WDR47: variants seen among roughly 807,000 people sequenced by gnomAD.
WDR47 encodes WD repeat domain 47.
WDR47 carries 32 observed loss-of-function variants against 97.2 expected under a neutral mutation model. That is an observed-to-expected ratio of 0.33 (90% CI 0.25 to 0.44). WDR47 has a LOEUF of 0.44. Among genes scored for constraint, WDR47 ranks in the 20% least tolerant of loss-of-function variants. The probability of loss-of-function intolerance (pLI) is 1.00; values close to 1 mark genes in which losing one functional copy is unlikely to be tolerated. For missense variants in WDR47, 782 were observed against 1,102.3 expected, an observed-to-expected ratio of 0.71 and a Z score of 4.11; for synonymous variants, 375 against 373.5, an observed-to-expected ratio of 1.00 and a Z score of -0.05.
intron 7 of WDR47, among the ~76,000 whole-genome samples, chr1:109,000,507 T>TC (rs1553231374): frequency 2.8e-4 from 2 of 7,082 alleles, no homozygotes; most frequent in Non-Finnish European, 5.3e-4. Context: ...AGACTCTGTC[T>TC]CAAAAAAAAA....
chr1:109,038,670 C>A (rs1050484415), intron 1 of WDR47, among the ~76,000 whole-genome samples: 5 of 150,192 alleles, frequency 3.3e-5, no homozygotes, highest in African/African-American at 1.2e-4. Context: ...TAAAGTGAGA[C>A]CCTGTCTCAA....
Position 109,041,982 on chromosome 1 carries a change from G to C in WDR47, c.-130C>G, listed in dbSNP as rs1032089383. The C allele has an allele frequency of 1.3e-5, 2 of 152,250 alleles. No individual in the cohort carries two copies. The highest frequency in any genetic ancestry group is 2.9e-5 in the Non-Finnish European group (2 of 68,076). The allele number at this position is 152,250 out of a possible 1,614,324, so 9.4% of individuals were successfully genotyped here. ...GCAGGAGCACGACGGCGGCGGTCTG[G>C]GTTTGGCGTCGGTCCTCCCTCCTAC... On this transcript the variant is annotated 5_prime_UTR_variant, in exon 1 of 15. Coordinates refer to ENST00000369962, the MANE Select transcript of WDR47 (RefSeq NM_001142551.2).
chr1:109,023,752 T>G (rs1366681742), intron 1 of WDR47, among the ~76,000 whole-genome samples: 1 of 152,140 alleles, frequency 6.6e-6, no homozygotes, highest in Non-Finnish European at 1.5e-5. Flanking sequence ...TAATTACAGA[T>G]TAAATGATAT....
chr1:108,998,763 T>C (rs987419085), intron 7 of WDR47, among the ~76,000 whole-genome samples: 10 of 152,170 alleles, frequency 6.6e-5, no homozygotes, highest in African/African-American at 2.4e-4. Context: ...AAGGAAGAAG[T>C]AAAATTTAAA....
chr1:108,995,474 A>C, intron 8 of WDR47, 106 bp downstream of exon 8: 1 of 1,357,572 alleles, frequency 7.4e-7, no homozygotes, highest in Non-Finnish European at 1.0e-6. Flanking sequence ...ATTGGTAGGC[A>C]GTAAGCTCTA....
intron 14 of WDR47, 94 bp downstream of exon 14, chr1:108,974,442 A>G (rs1005358077): frequency 4.4e-6 from 4 of 907,394 alleles, no homozygotes; most frequent in African/African-American, 1.7e-5. Flanking sequence ...AATAATTGAA[A>G]GTATTATATA....
At chr1:108,997,962 A>G (rs1659888605) in intron 7 of WDR47, among the ~76,000 whole-genome samples, 1 of 152,084 alleles carries the variant, frequency 6.6e-6, no homozygotes, top group African/African-American at 2.4e-5. Context: ...TACATTAAAC[A>G]TTGTTTATTT....
At chr1:109,033,396 G>A (rs1306921137) in intron 1 of WDR47, among the ~76,000 whole-genome samples, 2 of 152,048 alleles carry the variant, frequency 1.3e-5, no homozygotes, top group Non-Finnish European at 2.9e-5. Context: ...CGAAAAATGA[G>A]CAAAAAATAT....
At chr1:108,977,019 G>A (rs532166443) in intron 13 of WDR47, among the ~76,000 whole-genome samples, 33 of 152,264 alleles carry the variant, frequency 2.2e-4, no homozygotes, top group Non-Finnish European at 3.8e-4. Flanking sequence ...ACTGCTACGT[G>A]GATTGCAGAC....
At chr1:109,037,009 T>A (rs950513840) in intron 1 of WDR47, among the ~76,000 whole-genome samples, 4 of 152,052 alleles carry the variant, frequency 2.6e-5, no homozygotes, top group Non-Finnish European at 5.9e-5. Context: ...CTTCCCGGAA[T>A]TTCATTTCCA....
chr1:108,979,862 C>T (rs1658204758), intron 13 of WDR47, among the ~76,000 whole-genome samples: 1 of 152,136 alleles, frequency 6.6e-6, no homozygotes, highest in African/African-American at 2.4e-5. Flanking sequence ...CCAGGGGTCC[C>T]CAAGCCCCAG....
chr1:108,986,579 A>C lies in WDR47; in HGVS notation c.1869T>G (p.Val623=). Residue 623 remains valine (V), a synonymous_variant, in exon 10 of 15, where the codon GTT becomes GTG. Coordinates refer to ENST00000369962, the MANE Select transcript of WDR47 (RefSeq NM_001142551.2). Reference sequence around the variant, plus strand: ...CTCTCAGAGTTTTTGAATTTGAACCAACAGCATATAAACCTCCAGCTGGAT... The same window carrying C: ...CTCTCAGAGTTTTTGAATTTGAACCCACAGCATATAAACCTCCAGCTGGAT... ...AFHPAGGLYA[V]GSNSKTLRVC... 6.2e-7 allele frequency: 1 copy of C among 1,613,900 alleles called. No homozygotes were observed. The highest frequency in any genetic ancestry group is 1.1e-5 in the South Asian group (1 of 91,062).
Position 108,971,398 on chromosome 1 carries a change from C to T in WDR47, c.*32G>A. On this transcript the variant is annotated 3_prime_UTR_variant, in exon 15 of 15. Coordinates refer to ENST00000369962, the MANE Select transcript of WDR47 (RefSeq NM_001142551.2). Reference sequence around the variant, plus strand: ...AACTCAGTAGTCTTAAGTCTCTGTGCTTTTGCTGCATAGACTGACATGCGG... The same window carrying T: ...AACTCAGTAGTCTTAAGTCTCTGTGTTTTTGCTGCATAGACTGACATGCGG... 6 of 1,612,660 alleles carry T rather than the reference C, an allele frequency of 3.7e-6. No individual in the cohort carries two copies. The highest frequency in any genetic ancestry group is 4.2e-6 in the Non-Finnish European group (5 of 1,179,170).
intron 2 of WDR47, among the ~76,000 whole-genome samples, chr1:109,021,806 C>T (rs1230717910): frequency 3.3e-5 from 5 of 151,690 alleles, no homozygotes; most frequent in Admixed American, 2.6e-4. Context: ...GGATTACAGG[C>T]GTAAGCCACC....
chr1:109,030,141 C>T (rs1316186028), intron 1 of WDR47: 8 of 1,265,556 alleles, frequency 6.3e-6, no homozygotes, highest in Non-Finnish European at 8.8e-6. Flanking sequence ...ACGCCTGGTG[C>T]AGAGCCCCAA....
intron 8 of WDR47, among the ~76,000 whole-genome samples, chr1:108,991,562 T>TTA: frequency 6.6e-6 from 1 of 152,100 alleles, no homozygotes; most frequent in South Asian, 2.1e-4. Flanking sequence ...AGTCCACATA[T>TTA]TTTATAGTGA....
chr1:108,989,530 G>A (rs781712919), intron 9 of WDR47, among the ~76,000 whole-genome samples: 2 of 152,180 alleles, frequency 1.3e-5, no homozygotes, highest in African/African-American at 2.4e-5. Context: ...TCCATACACA[G>A]GGAATGTGAC....
chr1:109,011,782 G>A (rs1429437346), intron 4 of WDR47, 64 bp from the exon 5 acceptor site: 46 of 1,417,360 alleles, frequency 3.2e-5, no homozygotes, highest in Non-Finnish European at 4.0e-5. Context: ...ATATGAAAAC[G>A]ACAAGAGTAC....
chr1:109,037,430 A>G (rs2102061680), intron 1 of WDR47, among the ~76,000 whole-genome samples: 1 of 152,002 alleles, frequency 6.6e-6, no homozygotes, highest in South Asian at 2.1e-4. Flanking sequence ...CGAGGTCAGG[A>G]GATCGAGACC....
Sources: allele counts gnomAD v4.1 joint callset (sites outside exome capture counted in the v4.1 genomes callset), GRCh38; gene constraint gnomAD v4.1.1; transcripts MANE v1.5; gene names NCBI Gene and HGNC (gene_info 2026-07-23, HGNC 2026-07-21).